PRKD1: variants seen among roughly 807,000 people sequenced by gnomAD.
PRKD1 encodes serine/threonine-protein kinase D1.
In PRKD1, 63 loss-of-function variants were observed where a neutral mutation model predicts 95.9. That is an observed-to-expected ratio of 0.66 (90% CI 0.54 to 0.81). The LOEUF is 0.81. Among genes scored for constraint, PRKD1 ranks in the 30% least tolerant of loss-of-function variants. The probability of loss-of-function intolerance (pLI) is 0.00; values close to 1 mark genes in which losing one functional copy is unlikely to be tolerated. For synonymous variants in PRKD1, 425 were observed against 423.1 expected (o/e 1.00, Z -0.05); for missense variants, 1,048 against 1,165.3 (o/e 0.90, Z 1.47).
At chr14:29,736,472 G>T (rs943667871) in intron 1 of PRKD1, among the ~76,000 whole-genome samples, 2 of 152,178 alleles carry the variant, frequency 1.3e-5, no homozygotes, top group Non-Finnish European at 2.9e-5. Flanking sequence ...CTGTTTTTAT[G>T]TGAAGGTGTG....
At chr14:29,605,818 A>C (rs1056627144) in intron 13 of PRKD1, among the ~76,000 whole-genome samples, 6 of 152,190 alleles carry the variant, frequency 3.9e-5, no homozygotes, top group African/African-American at 1.4e-4. Context: ...TAAGATCTCC[A>C]TGGCTTTTAG....
At position 29,584,144 on chromosome 14, in the gene PRKD1, C is replaced by T. The variant is rs1046393817; in HGVS notation, c.2435-5784G>A. On this transcript the variant is annotated intron_variant, in intron 16 of 17. Coordinates refer to ENST00000331968, the MANE Select transcript of PRKD1 (RefSeq NM_002742.3). ...CTTTATGTTCTAATATGAAAAGAAG[C>T]ATTCCATCAGAATATGATATAGATT... Among the ~76,000 whole-genome samples, 14 of 152,142 alleles carry T rather than the reference C, an allele frequency of 9.2e-5. 1 individual carries two copies. Among genetic ancestry groups the T allele is most frequent in the Admixed American group, 5.2e-4 (8 of 15,268 alleles).
At chr14:29,803,870 CTT>C (rs1243164916) in intron 1 of PRKD1, among the ~76,000 whole-genome samples, 1 of 152,180 alleles carries the variant, frequency 6.6e-6, no homozygotes, top group South Asian at 2.1e-4. Flanking sequence ...AACCCAATCT[CTT>C]TATCTTTCTT....
At chr14:29,919,459 G>A (rs1176865386) in intron 1 of PRKD1, among the ~76,000 whole-genome samples, 1 of 147,384 alleles carries the variant, frequency 6.8e-6, no homozygotes, top group Admixed American at 6.6e-5. Flanking sequence ...ACCAGAAAAA[G>A]TAAGAAACAG....
chr14:29,727,262 T>C (rs1295924977), intron 1 of PRKD1, among the ~76,000 whole-genome samples: 1 of 152,158 alleles, frequency 6.6e-6, no homozygotes, highest in African/African-American at 2.4e-5. Context: ...TTCTTGTAAA[T>C]TTGTTTGAGT....
intron 4 of PRKD1, among the ~76,000 whole-genome samples, chr14:29,655,987 C>T (rs1305731370): frequency 1.3e-5 from 2 of 150,934 alleles, no homozygotes; most frequent in African/African-American, 4.9e-5. Context: ...TGTAAACAAG[C>T]AGTTACAGCC....
intron 1 of PRKD1, among the ~76,000 whole-genome samples, chr14:29,870,554 T>C (rs983545894): frequency 7.9e-5 from 12 of 152,224 alleles, no homozygotes. Context: ...GCTGTGGCAA[T>C]AATGTGAATA....
chr14:29,823,157 C>T (rs1006377960), intron 1 of PRKD1, among the ~76,000 whole-genome samples: 5 of 152,252 alleles, frequency 3.3e-5, no homozygotes, highest in African/African-American at 1.2e-4. Flanking sequence ...ACTGAGTACC[C>T]ATAGGCACTC....
At chr14:29,886,649 C>T (rs1352163894) in intron 1 of PRKD1, among the ~76,000 whole-genome samples, 1 of 152,178 alleles carries the variant, frequency 6.6e-6, no homozygotes, top group Non-Finnish European at 1.5e-5. Flanking sequence ...TCACCATCTG[C>T]TGATATCCTT....
chr14:29,841,406 C>CTCCCACAAT (rs1891838115), intron 1 of PRKD1, among the ~76,000 whole-genome samples: 1 of 152,190 alleles, frequency 6.6e-6, no homozygotes, highest in Non-Finnish European at 1.5e-5. Flanking sequence ...TGAGTTCTAA[C>CTCCCACAAT]TCCCACAATT....
intron 1 of PRKD1, among the ~76,000 whole-genome samples, chr14:29,876,899 C>A (rs1178984736): frequency 6.6e-6 from 1 of 152,086 alleles, no homozygotes. Flanking sequence ...GGCCTGTAAT[C>A]CTAGCACGTT....
chr14:29,606,155 G>A (rs1382749328), intron 13 of PRKD1, among the ~76,000 whole-genome samples: 1 of 152,092 alleles, frequency 6.6e-6, no homozygotes, highest in Non-Finnish European at 1.5e-5. Flanking sequence ...TGGGATTACA[G>A]GTGCCCGCCA....
chr14:29,659,323 A>G (rs768948329), intron 4 of PRKD1, among the ~76,000 whole-genome samples: 10 of 152,354 alleles, frequency 6.6e-5, no homozygotes, highest in Non-Finnish European at 1.3e-4. Context: ...GAGTGAATCA[A>G]TAGTTAATTA....
At chr14:29,629,540 C>T (rs914522342) in intron 10 of PRKD1, among the ~76,000 whole-genome samples, 13 of 152,016 alleles carry the variant, frequency 8.6e-5, no homozygotes, top group Admixed American at 2.0e-4. Flanking sequence ...TATGTATTTT[C>T]GTTGTAGAGA....
chr14:29,926,318 C>CG (rs1214855917), intron 1 of PRKD1, among the ~76,000 whole-genome samples: 1 of 152,252 alleles, frequency 6.6e-6, no homozygotes, highest in Non-Finnish European at 1.5e-5. Context: ...ACTCCTGAAA[C>CG]GCTGGCTGTT....
intron 2 of PRKD1, among the ~76,000 whole-genome samples, chr14:29,699,249 A>G (rs1252386993): frequency 6.6e-6 from 1 of 152,198 alleles, no homozygotes; most frequent in Non-Finnish European, 1.5e-5. Context: ...TGCCTAACAA[A>G]AGAGCTTTAC....
intron 2 of PRKD1, among the ~76,000 whole-genome samples, chr14:29,678,767 TA>T (rs571864189): frequency 5.3e-4 from 80 of 152,308 alleles, no homozygotes; most frequent in African/African-American, 1.5e-3. Context: ...GCATCTCTGA[TA>T]AAAAAATGCA....
At chr14:29,908,798 C>G (rs1458805722) in intron 1 of PRKD1, among the ~76,000 whole-genome samples, 1 of 152,150 alleles carries the variant, frequency 6.6e-6, no homozygotes, top group Non-Finnish European at 1.5e-5. Context: ...GAACAATGGT[C>G]TTATGAGTTG....
At chr14:29,638,311 T>C (rs1880514353) in intron 6 of PRKD1, 178 bp downstream of exon 6, 12 of 637,342 alleles carry the variant, frequency 1.9e-5, no homozygotes, top group Middle Eastern at 3.0e-4. Flanking sequence ...TTGACTGTTA[T>C]CAAAACTCCA....
Sources: allele counts gnomAD v4.1 joint callset (sites outside exome capture counted in the v4.1 genomes callset), GRCh38; gene constraint gnomAD v4.1.1; transcripts MANE v1.5; gene names NCBI Gene and HGNC (gene_info 2026-07-23, HGNC 2026-07-21).